The following WWOX variants were observed in gnomAD, a reference collection of about 807,000 sequenced individuals.
The protein encoded by WWOX is WW domain containing oxidoreductase.
In WWOX, 69 loss-of-function variants were observed where a neutral mutation model predicts 46.2. The observed-to-expected ratio is 1.49, with a 90% CI of 1.23 to 1.82. WWOX has a LOEUF of 1.82. WWOX is among the 40% of genes most tolerant of loss of function. The pLI, the probability that WWOX is intolerant of heterozygous loss-of-function variation, is 0.00. For synonymous variants in WWOX, 359 were observed against 202.6 expected, an observed-to-expected ratio of 1.77 and a Z score of -6.56; for missense variants, 919 against 542.6, an observed-to-expected ratio of 1.69 and a Z score of -6.89.
chr16:78,618,769 C>G lies in WWOX; in HGVS notation c.1056+186017C>G, dbSNP rs182404527. Among the ~76,000 whole-genome samples, 599 of 151,912 alleles carry G rather than the reference C, an allele frequency of 3.9e-3. 3 individuals carry two copies. The highest frequency in any genetic ancestry group is 0.014 in the African/African-American group (562 of 41,430). On this transcript the variant is annotated intron_variant, in intron 8 of 8. Transcript: ENST00000566780. ...TCCCCACTGTCTTCCCCACCTGAGA[C>G]CTGAGAGGAGGAGAAGGAAGCTTGG...
chr16:78,772,030 C>G (rs996359929), intron 8 of WWOX, among the ~76,000 whole-genome samples: 4 of 152,058 alleles, frequency 2.6e-5, no homozygotes, highest in African/African-American at 9.7e-5. Context: ...GTTAATTGGA[C>G]CTGTAATTCT....
At chr16:78,250,224 G>A (rs2037947491) in intron 5 of WWOX, among the ~76,000 whole-genome samples, 2 of 152,150 alleles carry the variant, frequency 1.3e-5, no homozygotes, top group Admixed American at 6.6e-5. Flanking sequence ...TTAGCACAAC[G>A]TCTATCTGGC....
chr16:78,522,159 A>C (rs1277790775), intron 8 of WWOX, among the ~76,000 whole-genome samples: 4 of 151,842 alleles, frequency 2.6e-5, no homozygotes, highest in Admixed American at 6.6e-5. Flanking sequence ...AAAAAAAAAA[A>C]AACTTCAGAA....
At chr16:78,722,339 C>G (rs984827043) in intron 8 of WWOX, among the ~76,000 whole-genome samples, 11 of 152,170 alleles carry the variant, frequency 7.2e-5, no homozygotes, top group Admixed American at 1.3e-4. Flanking sequence ...TCAGTTTTCT[C>G]ATCTGTAAAA....
chr16:78,278,690 T>A (rs536296809), intron 5 of WWOX: 2 of 1,574,244 alleles, frequency 1.3e-6, no homozygotes, highest in African/African-American at 1.3e-5. Flanking sequence ...TCTTGAATAG[T>A]CTCATCAATT....
At chr16:78,822,933 A>C (rs1056198643) in intron 8 of WWOX, among the ~76,000 whole-genome samples, 3 of 149,624 alleles carry the variant, frequency 2.0e-5, no homozygotes, top group Non-Finnish European at 3.0e-5. Context: ...AACTAAAAGA[A>C]AAAAAAAAAG....
At chr16:78,254,502 G>GTTTTTTTTTTTTTTTTTT (rs59706959) in intron 5 of WWOX, among the ~76,000 whole-genome samples, 9 of 91,646 alleles carry the variant, frequency 9.8e-5, no homozygotes, top group African/African-American at 3.6e-4. Context: ...TTTCTTTCTT[G>GTTTTTTTTTTTTTTTTTT]TTTTTTTTTT....
At chr16:78,789,442 A>G (rs192060368) in intron 8 of WWOX, among the ~76,000 whole-genome samples, 2 of 152,340 alleles carry the variant, frequency 1.3e-5, no homozygotes, top group East Asian at 3.9e-4. Context: ...CACCCTTATC[A>G]GAGATCAATT....
chr16:78,345,639 C>CAA (rs1193432164), intron 5 of WWOX, among the ~76,000 whole-genome samples: 2,146 of 24,988 alleles, frequency 0.086, 237 homozygotes, highest in East Asian at 0.13. Flanking sequence ...GACCCTGTCT[C>CAA]AAAAAAAAAA....
At chr16:78,554,116 C>T (rs530981380) in intron 8 of WWOX, among the ~76,000 whole-genome samples, 4 of 152,160 alleles carry the variant, frequency 2.6e-5, no homozygotes, top group African/African-American at 4.8e-5. Context: ...GGCACCCCTT[C>T]CCTCTTATCA....
intron 8 of WWOX, among the ~76,000 whole-genome samples, chr16:78,493,507 A>C (rs534251146): frequency 1.3e-5 from 2 of 152,198 alleles, no homozygotes; most frequent in African/African-American, 4.8e-5. Context: ...GAGCAATTGC[A>C]TTTGGTCATT....
At chr16:78,676,510 G>A (rs903326214) in intron 8 of WWOX, among the ~76,000 whole-genome samples, 7 of 151,690 alleles carry the variant, frequency 4.6e-5, no homozygotes, top group African/African-American at 1.5e-4. Flanking sequence ...TTCATCACCA[G>A]GAAAGCACAT....
intron 8 of WWOX, among the ~76,000 whole-genome samples, chr16:79,061,690 C>G (rs1336007661): frequency 6.6e-6 from 1 of 152,210 alleles, no homozygotes; most frequent in Non-Finnish European, 1.5e-5. Flanking sequence ...TATAGCTGCA[C>G]TGAAAACAAA....
chr16:79,145,492 G>A (rs13330262), intron 8 of WWOX, among the ~76,000 whole-genome samples: 4,121 of 152,148 alleles, frequency 0.027, 209 homozygotes, highest in African/African-American at 0.094. Flanking sequence ...ATGAGCCACC[G>A]CATCCAGCCC....
intron 8 of WWOX, among the ~76,000 whole-genome samples, chr16:78,985,226 G>C (rs2046761388): frequency 6.6e-6 from 1 of 152,178 alleles, no homozygotes; most frequent in African/African-American, 2.4e-5. Context: ...ATTTCCTGTT[G>C]ATCATGAGGG....
chr16:78,619,458 C>T (rs1430149427), intron 8 of WWOX, among the ~76,000 whole-genome samples: 1 of 150,296 alleles, frequency 6.7e-6, no homozygotes, highest in African/African-American at 2.5e-5. Flanking sequence ...ACATGGGTGA[C>T]CCGCACCCAC....
chr16:79,148,986 A>T (rs2050229577), intron 8 of WWOX, among the ~76,000 whole-genome samples: 1 of 152,106 alleles, frequency 6.6e-6, no homozygotes, highest in Admixed American at 6.6e-5. Context: ...TCATATGCAA[A>T]TAGAGAATTT....
intron 8 of WWOX, among the ~76,000 whole-genome samples, chr16:78,831,001 C>T (rs1480246632): frequency 1.3e-5 from 2 of 152,172 alleles, no homozygotes; most frequent in African/African-American, 2.4e-5. Context: ...ACTAATGATG[C>T]AGCAGTAATC....
At chr16:79,088,967 G>A (rs181191932) in intron 8 of WWOX, among the ~76,000 whole-genome samples, 3 of 152,246 alleles carry the variant, frequency 2.0e-5, no homozygotes, top group East Asian at 1.9e-4. Flanking sequence ...AGTGTAATGA[G>A]GGAGTATAGG....
Sources: allele counts gnomAD v4.1 joint callset (sites outside exome capture counted in the v4.1 genomes callset), GRCh38; gene constraint gnomAD v4.1.1; transcripts MANE v1.5; gene names NCBI Gene and HGNC (gene_info 2026-07-23, HGNC 2026-07-21).